Variants in SCAI observed in about 807,000 individuals in gnomAD.
The protein encoded by SCAI is protein SCAI.
A neutral mutation model predicts 92.2 loss-of-function variants in SCAI; 24 were observed. The observed-to-expected ratio is 0.26, with a 90% CI of 0.19 to 0.37. The LOEUF (loss-of-function observed/expected upper bound fraction) is 0.37, where lower values mean the gene tolerates loss of function less well. Among genes scored for constraint, SCAI ranks in the 10% least tolerant of loss-of-function variants. SCAI has a pLI of 1.00. For missense variants in SCAI, 450 were observed against 736.2 expected (o/e 0.61, Z 4.50); for synonymous variants, 261 against 258.6 (o/e 1.01, Z -0.09).
chr9:125,057,686 G>A (rs1287759667), intron 2 of SCAI, among the ~76,000 whole-genome samples: 2 of 152,142 alleles, frequency 1.3e-5, no homozygotes, highest in African/African-American at 2.4e-5. Flanking sequence ...AGGAGGAGGA[G>A]GGCACCCATG....
At chr9:125,047,037 C>G (rs1833457307) in intron 3 of SCAI, among the ~76,000 whole-genome samples, 1 of 152,048 alleles carries the variant, frequency 6.6e-6, no homozygotes, top group African/African-American at 2.4e-5. Context: ...TAAAGCAAAA[C>G]CCACTGGTAA....
intron 6 of SCAI, among the ~76,000 whole-genome samples, chr9:125,022,860 T>C (rs373879957): frequency 6.6e-6 from 1 of 152,236 alleles, no homozygotes; most frequent in African/African-American, 2.4e-5. Flanking sequence ...GTGCTAATTA[T>C]ACTTTTTGGA....
chr9:125,021,638 C>T (rs1832872145), intron 6 of SCAI, among the ~76,000 whole-genome samples: 1 of 152,154 alleles, frequency 6.6e-6, no homozygotes, highest in Non-Finnish European at 1.5e-5. Flanking sequence ...TTTCCATATC[C>T]TACATCACAA....
chr9:125,084,333 GCTAA>G (rs1449104048), intron 2 of SCAI, among the ~76,000 whole-genome samples: 11 of 151,936 alleles, frequency 7.2e-5, no homozygotes, highest in Non-Finnish European at 1.6e-4. Context: ...ACCACGCCCG[GCTAA>G]CTTTTTGTAT....
At chr9:125,007,858 T>C (rs373131947) in intron 9 of SCAI, among the ~76,000 whole-genome samples, 52 of 151,908 alleles carry the variant, frequency 3.4e-4, no homozygotes, top group Admixed American at 1.2e-3. Flanking sequence ...TTTTCTTTTT[T>C]TTTTTGAGAC....
chr9:125,134,974 C>T (rs1034907223), intron 2 of SCAI, among the ~76,000 whole-genome samples: 22 of 152,168 alleles, frequency 1.4e-4, no homozygotes, highest in African/African-American at 5.3e-4. Context: ...CCACGCCCGG[C>T]CAGTTTCCTA....
chr9:124,985,857 C>A, intron 14 of SCAI, among the ~76,000 whole-genome samples: 1 of 143,244 alleles, frequency 7.0e-6, no homozygotes, highest in African/African-American at 2.6e-5. Context: ...GAGTGAAACT[C>A]TGTCTCAATA....
chr9:125,060,990 A>G (rs1043921613), intron 2 of SCAI, among the ~76,000 whole-genome samples: 6 of 152,202 alleles, frequency 3.9e-5, no homozygotes, highest in African/African-American at 1.4e-4. Context: ...CCTGTGCCTC[A>G]TGTCATACCA....
chr9:125,021,769 TA>T (rs1379589694), intron 6 of SCAI, among the ~76,000 whole-genome samples: 1 of 152,126 alleles, frequency 6.6e-6, no homozygotes, highest in Admixed American at 6.5e-5. Flanking sequence ...TTGACAAACT[TA>T]TTGACTTTTT....
At chr9:125,118,831 G>T (rs1343318454) in intron 2 of SCAI, among the ~76,000 whole-genome samples, 2 of 152,154 alleles carry the variant, frequency 1.3e-5, no homozygotes, top group Non-Finnish European at 1.5e-5. Flanking sequence ...TTAGTCTGCT[G>T]AGGATGATGG....
intron 17 of SCAI, among the ~76,000 whole-genome samples, chr9:124,953,437 G>A (rs1229703003): frequency 6.6e-6 from 1 of 152,006 alleles, no homozygotes; most frequent in African/African-American, 2.4e-5. Context: ...GACCAGCCTG[G>A]CCAACATGCT....
At chr9:125,006,068 C>T (rs527405152) in intron 9 of SCAI, among the ~76,000 whole-genome samples, 13 of 152,242 alleles carry the variant, frequency 8.5e-5, no homozygotes, top group South Asian at 8.3e-4. Flanking sequence ...TGCAGATCTT[C>T]GTTGGAAGAA....
At chr9:125,098,056 T>TAC (rs1017835683) in intron 2 of SCAI, among the ~76,000 whole-genome samples, 1 of 151,474 alleles carries the variant, frequency 6.6e-6, no homozygotes, top group African/African-American at 2.4e-5. Context: ...TATGTGTATA[T>TAC]ACACATATAT....
At chr9:125,107,855 C>G (rs561374473) in intron 2 of SCAI, among the ~76,000 whole-genome samples, 1 of 152,346 alleles carries the variant, frequency 6.6e-6, no homozygotes. Context: ...CTCTCCCTCT[C>G]TTTCCACGGT....
chr9:125,019,125 T>A lies in SCAI; in HGVS notation c.690A>T (p.Glu230Asp). 6.2e-7 allele frequency: 1 copy of A among 1,603,984 alleles called. No individual in the cohort carries two copies. Among genetic ancestry groups the A allele is most frequent in the Non-Finnish European group, 8.5e-7 (1 of 1,175,214 alleles). The stretch of plus-strand genomic sequence containing the variant: ...AACTGACCTCAATGAAAGCTGCTAC[T>A]TCTTGAAGCACCAAGTTCCATTCCA... ...DQVEWNLVLQ[E>D]VAAFIEADPV... The change falls in exon 8 of 18, where the codon GAA becomes GAT. Residue 230 changes from glutamate to aspartate, a missense_variant. This residue lies in a region of SCAI where 360 missense variants were observed against 601.8 expected (regional missense o/e 0.60). Coordinates refer to ENST00000336505, the MANE Select transcript of SCAI (RefSeq NM_001144877.3).
chr9:125,031,591 A>G (rs1231706618), intron 3 of SCAI, among the ~76,000 whole-genome samples: 2 of 152,190 alleles, frequency 1.3e-5, no homozygotes, highest in African/African-American at 4.8e-5. Context: ...CATTGAATTT[A>G]GTGGTAAATG....
intron 9 of SCAI, among the ~76,000 whole-genome samples, chr9:125,009,547 C>A (rs144150156): frequency 2.0e-5 from 3 of 152,076 alleles, no homozygotes; most frequent in African/African-American, 7.2e-5. Flanking sequence ...CATGAGCCAC[C>A]ATGCCCAAAG....
chr9:125,046,353 G>GTGTA (rs1356414489), intron 3 of SCAI, among the ~76,000 whole-genome samples: 15 of 110,370 alleles, frequency 1.4e-4, no homozygotes, highest in East Asian at 5.9e-4. Flanking sequence ...GTGTGTGTGT[G>GTGTA]TATATATATA....
intron 9 of SCAI, among the ~76,000 whole-genome samples, chr9:125,010,096 G>C (rs941164772): frequency 1.3e-5 from 2 of 152,232 alleles, no homozygotes; most frequent in Non-Finnish European, 2.9e-5. Flanking sequence ...ACAGCTCCCA[G>C]GGTAAGCGAC....
Sources: allele counts gnomAD v4.1 joint callset (sites outside exome capture counted in the v4.1 genomes callset), GRCh38; gene constraint gnomAD v4.1.1; regional missense constraint gnomAD v4.1.1; transcripts MANE v1.5; gene names NCBI Gene and HGNC (gene_info 2026-07-23, HGNC 2026-07-21).